Variants in ATG14 observed in about 807,000 individuals in gnomAD.
The protein encoded by ATG14 is beclin 1-associated autophagy-related key regulator.
Under a neutral mutation model 60.4 loss-of-function variants are expected in ATG14, and 35 were observed. The ratio of observed to expected loss-of-function variants is 0.58; its 90% CI spans 0.44 to 0.77. The LOEUF (loss-of-function observed/expected upper bound fraction) is 0.77, where lower values mean the gene tolerates loss of function less well. Ranked by LOEUF, ATG14 falls within the 30% of genes least tolerant of loss-of-function variation. The probability of loss-of-function intolerance (pLI) is 0.00; values close to 1 mark genes in which losing one functional copy is unlikely to be tolerated. For missense variants in ATG14, 647 were observed against 626.3 expected, an observed-to-expected ratio of 1.03 and a Z score of -0.35; for synonymous variants, 234 against 228.8, an observed-to-expected ratio of 1.02 and a Z score of -0.21.
intron 1 of ATG14, among the ~76,000 whole-genome samples, chr14:55,405,028 T>C (rs557474373): frequency 6.6e-6 from 1 of 152,306 alleles, no homozygotes; most frequent in East Asian, 1.9e-4. Flanking sequence ...TAAGTTATAT[T>C]TTCTTAGCAG....
chr14:55,373,026 G>A (rs1884852999), intron 9 of ATG14, among the ~76,000 whole-genome samples: 1 of 152,112 alleles, frequency 6.6e-6, no homozygotes, highest in Non-Finnish European at 1.5e-5. Context: ...CCCCTGCGAT[G>A]TTTCTCCACC....
At chr14:55,395,299 G>C in intron 3 of ATG14, 1 of 277,532 alleles carries the variant, frequency 3.6e-6, no homozygotes, top group Non-Finnish European at 7.4e-6. Flanking sequence ...CCTCAGCAAA[G>C]CCGGGCTGCC....
At chr14:55,372,459 G>A (rs1252967514) in intron 9 of ATG14, among the ~76,000 whole-genome samples, 1 of 152,106 alleles carries the variant, frequency 6.6e-6, no homozygotes, top group Non-Finnish European at 1.5e-5. Context: ...CCTCAGAACT[G>A]ACTGCCAGGC....
intron 2 of ATG14, 137 bp downstream of exon 2, chr14:55,397,235 C>A: frequency 1.3e-6 from 1 of 792,674 alleles, no homozygotes. Context: ...CACATGCACT[C>A]CTTTCCTACA....
intron 1 of ATG14, among the ~76,000 whole-genome samples, chr14:55,403,039 G>A (rs1209056972): frequency 7.2e-6 from 1 of 139,506 alleles, no homozygotes; most frequent in Non-Finnish European, 1.5e-5. Flanking sequence ...AGGATCATTT[G>A]AGCCCATGAA....
At chr14:55,387,488 T>C (rs1324612377) in intron 4 of ATG14, among the ~76,000 whole-genome samples, 1 of 152,114 alleles carries the variant, frequency 6.6e-6, no homozygotes, top group African/African-American at 2.4e-5. Context: ...GGTAATGTGT[T>C]CAGACTCTTC....
chr14:55,375,567 C>T (rs1227175473), intron 9 of ATG14, among the ~76,000 whole-genome samples: 1 of 139,764 alleles, frequency 7.2e-6, no homozygotes, highest in Non-Finnish European at 1.5e-5. Flanking sequence ...TGGTCTTGAA[C>T]TCCTGGGCTC....
chr14:55,390,035 G>GCTTC (rs1885187771), intron 4 of ATG14, among the ~76,000 whole-genome samples: 1 of 151,324 alleles, frequency 6.6e-6, no homozygotes, highest in South Asian at 2.1e-4. Flanking sequence ...AAGACTCTGA[G>GCTTC]CTTCCTGCTA....
intron 1 of ATG14, among the ~76,000 whole-genome samples, chr14:55,400,836 G>T (rs189123717): frequency 6.6e-6 from 1 of 151,792 alleles, no homozygotes; most frequent in Non-Finnish European, 1.5e-5. Context: ...CCCGGGAAGC[G>T]GAGGTTGCAG....
intron 9 of ATG14, among the ~76,000 whole-genome samples, chr14:55,372,668 C>A (rs1294599971): frequency 6.6e-6 from 1 of 151,846 alleles, no homozygotes; most frequent in Non-Finnish European, 1.5e-5. Context: ...CCTTCCTTCG[C>A]TCCTCCCTGC....
chr14:55,392,634 G>T (rs1009827604), intron 3 of ATG14, among the ~76,000 whole-genome samples: 1 of 136,972 alleles, frequency 7.3e-6, no homozygotes, highest in Non-Finnish European at 1.5e-5. Context: ...GGGTGATATA[G>T]CAAGACTCCA....
rs117862988 is a variant in ATG14, at chr14:55,410,458, C to T, written c.221+1144G>A. On this transcript the variant is annotated intron_variant, in intron 1 of 9. Coordinates refer to ENST00000247178, the MANE Select transcript of ATG14 (RefSeq NM_014924.5). ...TAATTTTTAAAGCTATCACTTACTACATAAGCAGTTTCTAAAGTCATCAAG... is the reference window on the plus strand; with the variant it reads ...TAATTTTTAAAGCTATCACTTACTATATAAGCAGTTTCTAAAGTCATCAAG... Among the ~76,000 whole-genome samples the T allele has an allele frequency of 5.1e-3, 771 of 152,302 alleles. 5 individuals carry two copies. The highest frequency in any genetic ancestry group is 0.014 in the Middle Eastern group (4 of 294).
Position 55,411,629 on chromosome 14 carries a change from A to C in ATG14, c.194T>G (p.Val65Gly). ...CTCCCGGTCGCGGCCGTCGAAGTAG[A>C]CGAAATCGCCGCTCTGAACGCATTT... Reference protein sequence around the residue: ...CAKCVQSGDFVYFDGRDRERF... With the variant: ...CAKCVQSGDFGYFDGRDRERF... The change falls in exon 1 of 10, where the codon GTC (valine) becomes GGC (glycine). Residue 65 changes from valine to glycine, a missense_variant. Val to Gly is a moderately radical substitution (Grantham distance 109). Transcript: ENST00000247178. The C allele has an allele frequency of 1.2e-6, 2 of 1,612,380 alleles. No individual in the cohort carries two copies. Among genetic ancestry groups the C allele is most frequent in the Non-Finnish European group, 1.7e-6 (2 of 1,179,658 alleles).
rs1387236290 is a variant in ATG14, at chr14:55,369,622, A to C, written c.1476T>G (p.Arg492=). 11 of 1,514,922 alleles carry C rather than the reference A, an allele frequency of 7.3e-6. No individual in the cohort carries two copies. Among genetic ancestry groups the C allele is most frequent in the Non-Finnish European group, 9.7e-6 (11 of 1,130,058 alleles). The allele number at this position is 1,514,922 out of a possible 1,614,324, so 93.8% of individuals were successfully genotyped here. The change falls in exon 10 of 10, where the codon CGT becomes CGG. Residue 492 remains arginine, a synonymous_variant. Coordinates refer to ENST00000247178, the MANE Select transcript of ATG14 (RefSeq NM_014924.5). ...GGTATGTTTTGGTCCATGCTCGTTA[A>C]CGGTGTCCAGTGTAAGCTTTAAACC... ...TSWFKAYTGH[R]
chr14:55,395,425 T>G (rs1885297976), intron 3 of ATG14, among the ~76,000 whole-genome samples: 1 of 152,246 alleles, frequency 6.6e-6, no homozygotes, highest in South Asian at 2.1e-4. Context: ...CGATCTTGGC[T>G]CACTATAGCC....
chr14:55,411,505 C>G (rs2140157974), intron 1 of ATG14, 97 bp downstream of exon 1: 1 of 1,214,778 alleles, frequency 8.2e-7, no homozygotes. Context: ...TCGCTGGTAT[C>G]TGGTGCCCGG....
intron 9 of ATG14, among the ~76,000 whole-genome samples, chr14:55,374,583 G>A (rs1261273258): frequency 6.6e-6 from 1 of 152,120 alleles, no homozygotes; most frequent in African/African-American, 2.4e-5. Context: ...TTTGGGTTTT[G>A]TGGCTTACTT....
intron 9 of ATG14, among the ~76,000 whole-genome samples, chr14:55,370,936 C>T (rs542979943): frequency 9.8e-5 from 15 of 152,294 alleles, no homozygotes; most frequent in East Asian, 3.9e-4. Flanking sequence ...CCACCACGCC[C>T]GGCCGCCTTT....
rs1491173233 is a variant in ATG14 at position 55,367,423 on chromosome 14, A to AAAAC, written c.*2192_*2195dup. 3.3e-5 allele frequency: 5 copies of AAAAC among 152,268 alleles called. No individual in the cohort carries two copies. The highest frequency in any genetic ancestry group is 1.2e-4 in the African/African-American group (5 of 41,450). 9.4% of individuals were successfully genotyped at this position (152,268 alleles called of 1,614,324 possible). A position where few individuals can be genotyped will look rare whatever the true frequency, so the allele number is the denominator to read the frequency against. ...CAATCAATCATGAAGCTGAGCACTT[A>AAAAC]AAACAGAGATCCCAGCAGTGTAGAA... On this transcript the variant is annotated 3_prime_UTR_variant, in exon 10 of 10. Transcript: ENST00000247178.
Sources: allele counts gnomAD v4.1 joint callset (sites outside exome capture counted in the v4.1 genomes callset), GRCh38; gene constraint gnomAD v4.1.1; transcripts MANE v1.5; gene names NCBI Gene and HGNC (gene_info 2026-07-23, HGNC 2026-07-21).